The following SPIRE1 variants were observed in gnomAD, a reference collection of about 807,000 sequenced individuals.
SPIRE1 encodes protein spire homolog 1.
Under a neutral mutation model 94.1 loss-of-function variants are expected in SPIRE1, and 40 were observed. The ratio of observed to expected loss-of-function variants is 0.43; its 90% CI spans 0.33 to 0.55. SPIRE1 has a LOEUF of 0.55. Ranked by LOEUF, SPIRE1 falls within the 20% of genes least tolerant of loss-of-function variation. The probability of loss-of-function intolerance (pLI) is 0.06; values close to 1 mark genes in which losing one functional copy is unlikely to be tolerated. For synonymous variants in SPIRE1, 376 were observed against 371.7 expected, an observed-to-expected ratio of 1.01 and a Z score of -0.13; for missense variants, 838 against 975.2, an observed-to-expected ratio of 0.86 and a Z score of 1.87.
rs74790900 is a variant in SPIRE1 at position 12,516,718 on chromosome 18, T to C, written c.730-4187A>G. Among the ~76,000 whole-genome samples the C allele has an allele frequency of 5.7e-3, 863 of 152,320 alleles. 37 individuals are homozygous for C. In the East Asian group the frequency reaches 0.1, roughly 18 times the overall value. On this transcript the variant is annotated intron_variant, in intron 4 of 16. Coordinates refer to ENST00000409402, the MANE Select transcript of SPIRE1 (RefSeq NM_001128626.2). The stretch of plus-strand genomic sequence containing the variant: ...TCTTAGGGGTACTTTGGTAGAATAG[T>C]GTGAGAAGCAGCAAAATATATTCAA...
chr18:12,623,608 G>A (rs1159663464), intron 2 of SPIRE1, among the ~76,000 whole-genome samples: 1 of 152,008 alleles, frequency 6.6e-6, no homozygotes, highest in Admixed American at 6.6e-5. Flanking sequence ...TTTTCACTAA[G>A]ACAGACTGAT....
intron 15 of SPIRE1, 30 bp from the exon 16 acceptor site, chr18:12,452,421 C>T: frequency 1.2e-6 from 2 of 1,614,140 alleles, no homozygotes; most frequent in Non-Finnish European, 1.7e-6. Flanking sequence ...TGGCAATGAG[C>T]AGTACCGTTA....
chr18:12,645,969 C>G (rs529898619), intron 1 of SPIRE1, among the ~76,000 whole-genome samples: 1 of 152,274 alleles, frequency 6.6e-6, no homozygotes, highest in East Asian at 1.9e-4. Flanking sequence ...GTGCCAACTC[C>G]AAATAATTAG....
At chr18:12,510,118 C>T (rs1209738814) in intron 5 of SPIRE1, among the ~76,000 whole-genome samples, 1 of 150,794 alleles carries the variant, frequency 6.6e-6, no homozygotes, top group African/African-American at 2.4e-5. Context: ...ACAGTATATA[C>T]CATATGATTA....
Position 12,447,063 on chromosome 18 carries a change from C to G in SPIRE1, c.*2575G>C, listed in dbSNP as rs549704681. ...CAGTATTTACAAGCATTCTTATACA[C>G]TCCGACACTGACAGGGAGTTAAGCC... is the stretch of plus-strand genomic sequence containing the variant. On this transcript the variant is annotated 3_prime_UTR_variant, in exon 17 of 17. Coordinates refer to ENST00000409402, the MANE Select transcript of SPIRE1 (RefSeq NM_001128626.2). The G allele has an allele frequency of 6.6e-6, 1 of 152,146 alleles. No homozygotes were observed. The highest frequency in any genetic ancestry group is 6.5e-5 in the Admixed American group (1 of 15,274). The allele number at this position is 152,146 out of a possible 1,614,324, so 9.4% of individuals were successfully genotyped here.
At chr18:12,509,033 T>C (rs1012192853) in intron 5 of SPIRE1, among the ~76,000 whole-genome samples, 4 of 152,206 alleles carry the variant, frequency 2.6e-5, no homozygotes, top group African/African-American at 4.8e-5. Flanking sequence ...AAATTTTACA[T>C]ACTACTTTTC....
chr18:12,595,379 AC>A (rs1716935888), intron 2 of SPIRE1, among the ~76,000 whole-genome samples: 1 of 152,202 alleles, frequency 6.6e-6, no homozygotes, highest in Non-Finnish European at 1.5e-5. Flanking sequence ...TACCGGTAAG[AC>A]TTTCAATCAA....
At chr18:12,583,306 A>ATT (rs1159084001) in intron 2 of SPIRE1, among the ~76,000 whole-genome samples, 1 of 151,966 alleles carries the variant, frequency 6.6e-6, no homozygotes, top group Non-Finnish European at 1.5e-5. Flanking sequence ...ATCTCTTTAT[A>ATT]TTTAAAGAAG....
At chr18:12,615,720 G>A (rs576787952) in intron 2 of SPIRE1, among the ~76,000 whole-genome samples, 77 of 151,870 alleles carry the variant, frequency 5.1e-4, no homozygotes, top group African/African-American at 1.7e-3. Context: ...TCTAAAATAC[G>A]CTAATGCCAA....
intron 3 of SPIRE1, 100 bp from the exon 4 acceptor site, chr18:12,535,701 A>C (rs2034821140): frequency 1.8e-6 from 2 of 1,122,896 alleles, no homozygotes; most frequent in Non-Finnish European, 2.5e-6. Flanking sequence ...TCACGCCTGT[A>C]ATCCCAGCAC....
intron 16 of SPIRE1, among the ~76,000 whole-genome samples, chr18:12,451,875 A>G (rs1339047223): frequency 2.0e-5 from 3 of 152,250 alleles, no homozygotes; most frequent in Non-Finnish European, 4.4e-5. Context: ...ATGGCAGAAC[A>G]TTGTAAACAG....
chr18:12,511,053 T>C (rs938014665), intron 5 of SPIRE1, among the ~76,000 whole-genome samples: 1 of 152,240 alleles, frequency 6.6e-6, no homozygotes, highest in Non-Finnish European at 1.5e-5. Flanking sequence ...CTGAGTTTTA[T>C]TGGGAGAGAG....
chr18:12,576,220 A>G (rs1190560057), intron 2 of SPIRE1, among the ~76,000 whole-genome samples: 1 of 151,914 alleles, frequency 6.6e-6, no homozygotes, highest in Non-Finnish European at 1.5e-5. Flanking sequence ...GAAAAAAAGT[A>G]TATGGAAATG....
intron 1 of SPIRE1, among the ~76,000 whole-genome samples, chr18:12,635,508 A>G (rs575237202): frequency 9.2e-5 from 14 of 152,338 alleles, no homozygotes; most frequent in African/African-American, 3.1e-4. Context: ...TTAAAGATAC[A>G]GTGATCATTT....
chr18:12,553,265 G>A (rs765014724), intron 2 of SPIRE1, among the ~76,000 whole-genome samples: 2 of 152,232 alleles, frequency 1.3e-5, no homozygotes, highest in Non-Finnish European at 2.9e-5. Flanking sequence ...AGAGCACCAA[G>A]TAGGCTCTTG....
At chr18:12,486,334 G>C (rs964222359) in intron 8 of SPIRE1, among the ~76,000 whole-genome samples, 16 of 152,020 alleles carry the variant, frequency 1.1e-4, no homozygotes, top group African/African-American at 3.6e-4. Context: ...TTTTAAAAAA[G>C]CCATGTTTTA....
intron 2 of SPIRE1, among the ~76,000 whole-genome samples, chr18:12,575,258 A>G (rs933170917): frequency 6.6e-6 from 1 of 152,224 alleles, no homozygotes; most frequent in Non-Finnish European, 1.5e-5. Flanking sequence ...TAGATCCTCA[A>G]AAATGGCTAG....
intron 4 of SPIRE1, among the ~76,000 whole-genome samples, chr18:12,514,121 T>TA (rs1387466352): frequency 6.6e-6 from 1 of 152,220 alleles, no homozygotes; most frequent in East Asian, 1.9e-4. Flanking sequence ...ATTATAGCCT[T>TA]GAGTCACCAC....
intron 2 of SPIRE1, among the ~76,000 whole-genome samples, chr18:12,594,780 T>C (rs2036625470): frequency 1.3e-5 from 2 of 152,306 alleles, no homozygotes; most frequent in South Asian, 4.1e-4. Flanking sequence ...CTTGAGTGTT[T>C]TGCCTGTCTC....
Sources: gnomAD v4.1 joint callset for allele counts (sites outside exome capture counted in the v4.1 genomes callset) on GRCh38, gnomAD v4.1.1 for gene constraint, MANE v1.5 for transcripts, NCBI Gene and HGNC (gene_info 2026-07-23, HGNC 2026-07-21) for gene names.